GPC5: variants seen among roughly 807,000 people sequenced by gnomAD.
GPC5 encodes glypican-5.
In GPC5, 47 loss-of-function variants were observed where a neutral mutation model predicts 53.9. That is an observed-to-expected ratio of 0.87 (90% CI 0.69 to 1.11). The LOEUF (loss-of-function observed/expected upper bound fraction) is 1.11. Among genes scored for constraint, GPC5 ranks in the 50% most tolerant of loss-of-function variants. The pLI is 0.00. For missense variants in GPC5, 748 were observed against 713.1 expected (o/e 1.05, Z -0.56); for synonymous variants, 286 against 263.3 (o/e 1.09, Z -0.84).
chr13:91,404,194 A>G (rs1402244319), intron 1 of GPC5, among the ~76,000 whole-genome samples: 2 of 152,218 alleles, frequency 1.3e-5, no homozygotes, highest in Non-Finnish European at 2.9e-5. Context: ...TGATAAGAAC[A>G]CTTTCTAAAT....
chr13:91,531,697 A>G (rs1166523343), intron 2 of GPC5, among the ~76,000 whole-genome samples: 1 of 152,214 alleles, frequency 6.6e-6, no homozygotes, highest in Non-Finnish European at 1.5e-5. Context: ...TCTTTATACA[A>G]AAGTAGCAGC....
chr13:92,349,501 C>A (rs2043457247), intron 7 of GPC5, among the ~76,000 whole-genome samples: 1 of 148,958 alleles, frequency 6.7e-6, no homozygotes, highest in African/African-American at 2.5e-5. Context: ...ACAAAATGAA[C>A]AAACCTTTAG....
chr13:91,920,066 A>G (rs573253449), intron 6 of GPC5, among the ~76,000 whole-genome samples: 6 of 152,296 alleles, frequency 3.9e-5, no homozygotes, highest in African/African-American at 1.4e-4. Context: ...GTATCAATGG[A>G]CAATCAATGA....
At chr13:91,573,780 A>T (rs1423785464) in intron 2 of GPC5, among the ~76,000 whole-genome samples, 1 of 152,222 alleles carries the variant, frequency 6.6e-6, no homozygotes, top group Non-Finnish European at 1.5e-5. Context: ...TAATCTAAAG[A>T]GATAAATGTG....
At chr13:92,457,119 G>C (rs1295016848) in intron 7 of GPC5, among the ~76,000 whole-genome samples, 1 of 151,972 alleles carries the variant, frequency 6.6e-6, no homozygotes, top group Non-Finnish European at 1.5e-5. Context: ...TTCTGTTTCT[G>C]CATTAGTTCA....
At position 91,521,517 on chromosome 13, in the gene GPC5, A is replaced by C. The variant is rs576814493; in HGVS notation, c.325+72595A>C. Reference sequence around the variant, plus strand: ...TTGGTTAAATTTTTCACTTCCTGTCAACATAGAATTCCTTTATACAGTTTT... The same window carrying C: ...TTGGTTAAATTTTTCACTTCCTGTCCACATAGAATTCCTTTATACAGTTTT... On this transcript the variant is annotated intron_variant, in intron 2 of 7. Transcript: ENST00000377067. Among the ~76,000 whole-genome samples the C allele has an allele frequency of 2.0e-5, 3 of 152,348 alleles. No individual in the cohort carries two copies. In the East Asian group the frequency reaches 5.8e-4, roughly 29 times the overall value.
chr13:92,580,479 A>C (rs900308908), intron 7 of GPC5, among the ~76,000 whole-genome samples: 2 of 152,190 alleles, frequency 1.3e-5, no homozygotes, highest in African/African-American at 4.8e-5. Context: ...GTTTATATGT[A>C]TATTAAGCCT....
In GPC5 at chr13:92,325,034, T is replaced by C. The variant is rs75118073; in HGVS notation, c.1561+180045T>C. Among the ~76,000 whole-genome samples the C allele has an allele frequency of 3.1e-3, 469 of 151,830 alleles. 1 individual carries two copies. Among genetic ancestry groups the C allele is most frequent in the Middle Eastern group, 6.8e-3 (2 of 294 alleles). On this transcript the variant is annotated intron_variant, in intron 7 of 7. Transcript: ENST00000377067. ...AAATACGTAAAATATGTTATATGTT[T>C]GGAAGAGACAAAGGAAGATTCCAAA...
At chr13:92,234,377 T>A (rs2042554240) in intron 7 of GPC5, among the ~76,000 whole-genome samples, 1 of 152,160 alleles carries the variant, frequency 6.6e-6, no homozygotes, top group East Asian at 1.9e-4. Context: ...GGTATCTCAT[T>A]GTGGTTTTGA....
At position 91,525,640 on chromosome 13, in the gene GPC5, T is replaced by G. The variant is rs374527351; in HGVS notation, c.325+76718T>G. Among the ~76,000 whole-genome samples the G allele has an allele frequency of 8.2e-4, 125 of 152,296 alleles. 1 individual carries two copies. The South Asian group carries it at 0.025, about 31-fold the overall frequency. ...GGTAGTGAGGAAAGAAGTAAGTGCA[T>G]GTTGTTTGCCCAGAAATCCAATCCT... On this transcript the variant is annotated intron_variant, in intron 2 of 7. Coordinates refer to ENST00000377067, the MANE Select transcript of GPC5 (RefSeq NM_004466.6).
rs530212708 is a variant in GPC5, at chr13:92,134,559, T to A, written c.1402-10271T>A. ...ATGAGAAACCACACTATAAATATAATAAATAGGACTTAATAAAATTGAAAA... is the reference window on the plus strand; with the variant it reads ...ATGAGAAACCACACTATAAATATAAAAAATAGGACTTAATAAAATTGAAAA... On this transcript the variant is annotated intron_variant, in intron 6 of 7. Coordinates refer to ENST00000377067, the MANE Select transcript of GPC5 (RefSeq NM_004466.6). Among the ~76,000 whole-genome samples the A allele has an allele frequency of 2.6e-5, 4 of 152,206 alleles. No individual in the cohort carries two copies. In the East Asian group the frequency reaches 7.7e-4, roughly 29 times the overall value.
Position 92,474,975 on chromosome 13 carries a change from A to G in GPC5, c.1561+329986A>G, listed in dbSNP as rs1367409601. Reference sequence around the variant, plus strand: ...GTCTTGTCACAAAATCATAAAACCAATTTTCTTCTGGAGTTTGAAGGAAAT... The same window carrying G: ...GTCTTGTCACAAAATCATAAAACCAGTTTTCTTCTGGAGTTTGAAGGAAAT... On this transcript the variant is annotated intron_variant, in intron 7 of 7. Coordinates refer to ENST00000377067, the MANE Select transcript of GPC5 (RefSeq NM_004466.6). Among the ~76,000 whole-genome samples the G allele has an allele frequency of 2.6e-5, 4 of 152,074 alleles. No homozygotes were observed. The East Asian group carries it at 7.7e-4, about 29-fold the overall frequency.
intron 7 of GPC5, among the ~76,000 whole-genome samples, chr13:92,151,912 A>G (rs1240711281): frequency 6.6e-6 from 1 of 152,162 alleles, no homozygotes; most frequent in African/African-American, 2.4e-5. Flanking sequence ...CAATCTGGAA[A>G]AGCAACCAAT....
intron 7 of GPC5, among the ~76,000 whole-genome samples, chr13:92,494,072 G>T (rs560608143): frequency 5.7e-4 from 70 of 122,500 alleles, no homozygotes; most frequent in African/African-American, 2.0e-3. Context: ...TTGTTTGTTT[G>T]TTTGTTTGTT....
rs555289615 is a variant in GPC5, at chr13:92,400,513, T to C, written c.1561+255524T>C. Among the ~76,000 whole-genome samples, 7 of 152,352 alleles carry C rather than the reference T, an allele frequency of 4.6e-5. No individual in the cohort carries two copies. In the South Asian group the frequency reaches 1.4e-3, roughly 32 times the overall value. ...TTTTCAAACTCTATCCTTTTGCTTA[T>C]GTTGTTCCATATCCTAAAATTTTCT... On this transcript the variant is annotated intron_variant, in intron 7 of 7. Transcript: ENST00000377067.
chr13:92,588,970 G>A (rs1325470798), intron 7 of GPC5, among the ~76,000 whole-genome samples: 3 of 152,162 alleles, frequency 2.0e-5, no homozygotes, highest in African/African-American at 7.2e-5. Flanking sequence ...GAGAAAATGT[G>A]CAAGTAATGA....
At chr13:92,603,402 G>A (rs1037131653) in intron 7 of GPC5, among the ~76,000 whole-genome samples, 1 of 152,046 alleles carries the variant, frequency 6.6e-6, no homozygotes, top group African/African-American at 2.4e-5. Context: ...TTCTAAAGAG[G>A]TTCTGAGCAT....
intron 1 of GPC5, among the ~76,000 whole-genome samples, chr13:91,410,590 C>T (rs989610136): frequency 6.6e-6 from 1 of 151,728 alleles, no homozygotes; most frequent in African/African-American, 2.4e-5. Context: ...TCGTGATCCG[C>T]CCGCCTTGGC....
intron 6 of GPC5, among the ~76,000 whole-genome samples, chr13:92,081,762 G>A (rs943824442): frequency 6.6e-6 from 1 of 152,088 alleles, no homozygotes; most frequent in Non-Finnish European, 1.5e-5. Flanking sequence ...GTATATAAGA[G>A]CCAAATTCCC....
Sources: allele counts gnomAD v4.1 joint callset (sites outside exome capture counted in the v4.1 genomes callset), GRCh38; gene constraint gnomAD v4.1.1; transcripts MANE v1.5; gene names NCBI Gene and HGNC (gene_info 2026-07-23, HGNC 2026-07-21).